HNMT: variants seen among roughly 807,000 people sequenced by gnomAD.
The protein encoded by HNMT is histamine N-methyltransferase.
HNMT carries 30 observed loss-of-function variants against 32.1 expected under a neutral mutation model. The ratio of observed to expected loss-of-function variants is 0.93; its 90% CI spans 0.70 to 1.27. The LOEUF (loss-of-function observed/expected upper bound fraction) is 1.27, where lower values mean the gene tolerates loss of function less well. Ranked by LOEUF, HNMT falls within the 50% of genes most tolerant of loss-of-function variation. The pLI, the probability that HNMT is intolerant of heterozygous loss-of-function variation, is 0.00. For synonymous variants in HNMT, 125 were observed against 119.0 expected, an observed-to-expected ratio of 1.05 and a Z score of -0.33; for missense variants, 327 against 346.0, an observed-to-expected ratio of 0.95 and a Z score of 0.43.
rs184624398 is a variant in HNMT, at chr2:138,008,092, T to C, written c.523+2867T>C. On this transcript the variant is annotated intron_variant, in intron 5 of 5. Coordinates refer to ENST00000280097, the MANE Select transcript of HNMT (RefSeq NM_006895.3). ...AACAGATTATTTCATCACCCAGGTA[T>C]TAAACCCACTACCCAATAATAATCT... Among the ~76,000 whole-genome samples the C allele has an allele frequency of 2.0e-4, 31 of 152,042 alleles. No individual in the cohort carries two copies. The East Asian group carries it at 6.0e-3, about 29-fold the overall frequency.
At chr2:137,981,435 A>G (rs1402010511) in intron 2 of HNMT, 1 of 1,445,816 alleles carries the variant, frequency 6.9e-7, no homozygotes, top group Admixed American at 1.7e-5. Context: ...AGCCTACTAG[A>G]TCACACAGTT....
chr2:137,998,079 G>A (rs895432862), intron 2 of HNMT, among the ~76,000 whole-genome samples: 3 of 151,902 alleles, frequency 2.0e-5, no homozygotes, highest in Non-Finnish European at 4.4e-5. Flanking sequence ...AAACCACCAT[G>A]GTGCATGTAT....
chr2:137,978,382 T>G lies in HNMT; in HGVS notation c.190+8165T>G, dbSNP rs191682570. On this transcript the variant is annotated intron_variant, in intron 2 of 5. Transcript: ENST00000280097. ...TAGTATTATACAATACATATGATTA[T>G]ATAATATAGTATTATACAATACATA... Among the ~76,000 whole-genome samples, 29 of 146,412 alleles carry G rather than the reference T, an allele frequency of 2.0e-4. 1 individual carries two copies. The South Asian group carries it at 5.1e-3, about 26-fold the overall frequency.
intron 5 of HNMT, among the ~76,000 whole-genome samples, chr2:138,005,987 G>GTCACAAAA (rs1319584801): frequency 1.3e-5 from 2 of 151,964 alleles, no homozygotes; most frequent in Non-Finnish European, 2.9e-5. Flanking sequence ...AACACCGTAT[G>GTCACAAAA]TCACAAAATT....
chr2:137,989,056 T>A (rs977489986), intron 2 of HNMT, among the ~76,000 whole-genome samples: 3 of 152,204 alleles, frequency 2.0e-5, no homozygotes, highest in African/African-American at 7.2e-5. Flanking sequence ...TACAATCTGC[T>A]ACAATTTATA....
intron 4 of HNMT, among the ~76,000 whole-genome samples, chr2:138,003,306 A>T (rs969142384): frequency 2.0e-5 from 3 of 152,086 alleles, no homozygotes; most frequent in Non-Finnish European, 4.4e-5. Context: ...GAGATAACTA[A>T]CATTTCTGAA....
chr2:138,005,503 C>T (rs1170957543), intron 5 of HNMT, among the ~76,000 whole-genome samples: 1 of 152,058 alleles, frequency 6.6e-6, no homozygotes, highest in Middle Eastern at 3.4e-3. Context: ...AGCTTAAATT[C>T]AACTGACAAA....
chr2:137,980,497 G>T (rs62168714), intron 2 of HNMT, among the ~76,000 whole-genome samples: 3 of 152,094 alleles, frequency 2.0e-5, no homozygotes, highest in Admixed American at 2.0e-4. Context: ...GAGAATGGTG[G>T]CTATCCTCTG....
chr2:138,014,072 A>G lies in HNMT; in HGVS notation c.821A>G (p.Lys274Arg), dbSNP rs1228508556. The G allele has an allele frequency of 1.2e-6, 2 of 1,611,162 alleles. No individual in the cohort carries two copies. Among genetic ancestry groups the G allele is most frequent in the East Asian group, 4.5e-5 (2 of 44,810 alleles). ...KDLQEPEFSA[K>R]KEGKVLFNNT... is the part of the protein sequence containing the mutation. ...CTACAAGAGCCTGAATTTAGTGCTA[A>G]GAAAGAGGGGAAGGTTCTTTTTAAT... Residue 274 changes from lysine (K) to arginine (R), a missense_variant, in exon 6 of 6, where the codon AAG becomes AGG. Coordinates refer to ENST00000280097, the MANE Select transcript of HNMT (RefSeq NM_006895.3).
chr2:137,983,911 T>C (rs1680576098), intron 2 of HNMT, among the ~76,000 whole-genome samples: 2 of 152,190 alleles, frequency 1.3e-5, no homozygotes, highest in Admixed American at 6.5e-5. Flanking sequence ...CTTAATTGCC[T>C]TTAGCTCAAA....
intron 1 of HNMT, chr2:137,967,260 A>G: frequency 1.6e-6 from 1 of 617,544 alleles, no homozygotes; most frequent in Non-Finnish European, 2.9e-6. Flanking sequence ...AAAAGTGAAA[A>G]AGTTAGCTGA....
chr2:137,975,289 G>GA (rs1273025284), intron 2 of HNMT, among the ~76,000 whole-genome samples: 12 of 151,898 alleles, frequency 7.9e-5, no homozygotes, highest in Non-Finnish European at 1.5e-4. Context: ...AAGGAGGAAA[G>GA]AAAAAAATAG....
In HNMT at chr2:137,988,309, T is replaced by C. The variant is rs185254493; in HGVS notation, c.191-12609T>C. Reference sequence around the variant, plus strand: ...AGAGGTAGGCTGACCTTTTAGGATATTATTGCAGTATTCCAAATGTGAATA... The same window carrying C: ...AGAGGTAGGCTGACCTTTTAGGATACTATTGCAGTATTCCAAATGTGAATA... On this transcript the variant is annotated intron_variant, in intron 2 of 5. Coordinates refer to ENST00000280097, the MANE Select transcript of HNMT (RefSeq NM_006895.3). 1.5e-4 allele frequency among the ~76,000 whole-genome samples: 23 copies of C among 152,248 alleles called. No individual in the cohort carries two copies. The East Asian group carries it at 3.9e-3, about 26-fold the overall frequency.
chr2:137,968,736 A>G (rs891520511), intron 1 of HNMT, among the ~76,000 whole-genome samples: 10 of 152,160 alleles, frequency 6.6e-5, no homozygotes, highest in Admixed American at 3.3e-4. Flanking sequence ...TTAGAATTGA[A>G]GAAGGCAAAT....
At chr2:137,973,779 T>G (rs533374344) in intron 2 of HNMT, among the ~76,000 whole-genome samples, 46 of 148,416 alleles carry the variant, frequency 3.1e-4, no homozygotes, top group Middle Eastern at 6.8e-3. Context: ...TGGTTTTTTT[T>G]GGGGGGGGGT....
At chr2:138,003,084 T>G (rs1422273647) in intron 4 of HNMT, among the ~76,000 whole-genome samples, 2 of 91,040 alleles carry the variant, frequency 2.2e-5, no homozygotes, top group African/African-American at 9.9e-5. Context: ...GGGTCTGTTG[T>G]GGGGTGGGGG....
At chr2:138,000,268 C>T (rs1009697416) in intron 2 of HNMT, among the ~76,000 whole-genome samples, 3 of 152,078 alleles carry the variant, frequency 2.0e-5, no homozygotes, top group African/African-American at 7.2e-5. Context: ...GTGATCTTCC[C>T]CCATGAAGCA....
chr2:137,990,172 T>C (rs1680776462), intron 2 of HNMT, among the ~76,000 whole-genome samples: 2 of 152,218 alleles, frequency 1.3e-5, no homozygotes, highest in Non-Finnish European at 2.9e-5. Flanking sequence ...CCCAAGGTCA[T>C]CTAGGTTTTC....
chr2:137,970,061 C>A, intron 1 of HNMT, 104 bp from the exon 2 acceptor site: 1 of 586,468 alleles, frequency 1.7e-6, no homozygotes, highest in South Asian at 2.8e-5. Context: ...GCCTAGTTTT[C>A]ATTCATTGTA....
Sources: allele counts gnomAD v4.1 joint callset (sites outside exome capture counted in the v4.1 genomes callset), GRCh38; gene constraint gnomAD v4.1.1; transcripts MANE v1.5; gene names NCBI Gene and HGNC (gene_info 2026-07-23, HGNC 2026-07-21).